CDH4: variants seen among roughly 807,000 people sequenced by gnomAD.
The protein encoded by CDH4 is cadherin-4.
Under a neutral mutation model 86.0 loss-of-function variants are expected in CDH4, and 33 were observed. The ratio of observed to expected loss-of-function variants is 0.38; its 90% CI spans 0.29 to 0.51. The LOEUF (loss-of-function observed/expected upper bound fraction) is 0.51. Among genes scored for constraint, CDH4 ranks in the 20% least tolerant of loss-of-function variants. The pLI is 0.86. For missense variants in CDH4, 1,114 were observed against 1,307.4 expected (o/e 0.85, Z 2.28); for synonymous variants, 555 against 549.4 (o/e 1.01, Z -0.14).
chr20:61,359,655 T>C (rs958511510), intron 2 of CDH4, among the ~76,000 whole-genome samples: 3 of 152,044 alleles, frequency 2.0e-5, no homozygotes, highest in African/African-American at 7.2e-5. Context: ...CTCTCCCACA[T>C]CCTCCCTTTT....
At chr20:61,854,542 GTGCCTTTGGCC>G (rs1982897053) in intron 6 of CDH4, among the ~76,000 whole-genome samples, 17 of 145,090 alleles carry the variant, frequency 1.2e-4, no homozygotes, top group East Asian at 4.1e-4. Context: ...AGGGTGAATT[GTGCCTTTGGCC>G]CACCCCCAGG....
At chr20:61,565,299 C>CCTCTTGGTGATGGGGAGGTGATGGTGGT (rs2086279197) in intron 2 of CDH4, among the ~76,000 whole-genome samples, 8 of 10,032 alleles carry the variant, frequency 8.0e-4, no homozygotes, top group African/African-American at 5.6e-3. Context: ...ATGGTGGTGG[C>CCTCTTGGTGATGGGGAGGTGATGGTGGT]GGTGCTCTTG....
intron 2 of CDH4, among the ~76,000 whole-genome samples, chr20:61,256,057 G>A (rs912506674): frequency 6.6e-6 from 1 of 152,166 alleles, no homozygotes; most frequent in Non-Finnish European, 1.5e-5. Flanking sequence ...ATCTAACAGG[G>A]CATACATAGT....
chr20:61,604,512 G>C (rs1307539682), intron 2 of CDH4, among the ~76,000 whole-genome samples: 1 of 152,130 alleles, frequency 6.6e-6, no homozygotes, highest in African/African-American at 2.4e-5. Context: ...GATGAGATTT[G>C]CTTTTAGGGT....
Position 61,644,907 on chromosome 20 carries a change from G to A in CDH4, c.170-98656G>A, listed in dbSNP as rs142102009. Among the ~76,000 whole-genome samples the A allele has an allele frequency of 2.9e-3, 435 of 152,288 alleles. 5 individuals carry two copies. Among genetic ancestry groups the A allele is most frequent in the African/African-American group, 9.7e-3 (404 of 41,560 alleles). On this transcript the variant is annotated intron_variant, in intron 2 of 15. Transcript: ENST00000614565. ...ACAGAGAAGCATTTAGGGAGGAGTC[G>A]CTGAGTCGTGCGGCCTGAGGAAGGG...
rs769778529 is a variant in CDH4, at chr20:61,773,115, A to C, written c.509A>C (p.Asp170Ala). 1 of 1,611,090 alleles carries C rather than the reference A, an allele frequency of 6.2e-7. No homozygotes were observed. Among genetic ancestry groups the C allele is most frequent in the Non-Finnish European group, 8.5e-7 (1 of 1,179,012 alleles). ...AACGGGCTGAGGCGGCGCAAACGGG[A>C]CTGGGTCATCCCGCCCATCAACGTG... ...NANGLRRRKR[D>A]WVIPPINVPE... Residue 170 changes from aspartate (D) to alanine (A), a missense_variant, in exon 4 of 16, where the codon GAC becomes GCC. Coordinates refer to ENST00000614565, the MANE Select transcript of CDH4 (RefSeq NM_001794.5).
chr20:61,632,469 T>C (rs1284163094), intron 2 of CDH4, among the ~76,000 whole-genome samples: 1 of 152,076 alleles, frequency 6.6e-6, no homozygotes, highest in East Asian at 1.9e-4. Flanking sequence ...GAAGCATCGT[T>C]AACGCCGGGC....
intron 2 of CDH4, among the ~76,000 whole-genome samples, chr20:61,358,369 CACTG>C (rs2084764908): frequency 6.6e-6 from 1 of 152,206 alleles, no homozygotes; most frequent in African/African-American, 2.4e-5. Flanking sequence ...GCAGGCCTGA[CACTG>C]ACCTCCACGA....
intron 2 of CDH4, among the ~76,000 whole-genome samples, chr20:61,680,090 G>A (rs1476938608): frequency 6.6e-6 from 1 of 152,182 alleles, no homozygotes; most frequent in Non-Finnish European, 1.5e-5. Flanking sequence ...CCTGCCCCAG[G>A]GCTGCACCCT....
chr20:61,868,782 T>C (rs1422576410), intron 6 of CDH4, among the ~76,000 whole-genome samples: 1 of 151,936 alleles, frequency 6.6e-6, no homozygotes, highest in African/African-American at 2.4e-5. Context: ...GAGCTGCCTC[T>C]CCTCTTGTCA....
chr20:61,800,402 C>G (rs1048521348), intron 4 of CDH4, among the ~76,000 whole-genome samples: 2 of 152,238 alleles, frequency 1.3e-5, no homozygotes, highest in African/African-American at 4.8e-5. Flanking sequence ...GCAGGGCTGA[C>G]CCAGCTTCAG....
intron 7 of CDH4, among the ~76,000 whole-genome samples, chr20:61,890,190 A>ATAT (rs1984752408): frequency 2.7e-4 from 9 of 33,782 alleles, no homozygotes; most frequent in African/African-American, 1.2e-3. Flanking sequence ...ATGGATGGAT[A>ATAT]GATGATGGAT....
intron 2 of CDH4, among the ~76,000 whole-genome samples, chr20:61,432,833 ATTT>A (rs36067606): frequency 2.9e-5 from 3 of 101,698 alleles, no homozygotes; most frequent in South Asian, 3.5e-4. Context: ...TAAATCCATG[ATTT>A]TTTTTTTTTT....
rs541419046 is a variant in CDH4 at position 61,904,068 on chromosome 20, C to G, written c.1189-6354C>G. Among the ~76,000 whole-genome samples, 30 of 152,348 alleles carry G rather than the reference C, an allele frequency of 2.0e-4. 1 individual carries two copies. In the South Asian group the frequency reaches 6.2e-3, roughly 32 times the overall value. ...GCCCCTGGGACTTCCCCCAAGCCGG[C>G]GTCCTGTGGGCTTGCCCCAGCGGGG... On this transcript the variant is annotated intron_variant, in intron 8 of 15. Transcript: ENST00000614565.
chr20:61,643,314 CCTCATGA>C (rs2087030552), intron 2 of CDH4, among the ~76,000 whole-genome samples: 1 of 152,204 alleles, frequency 6.6e-6, no homozygotes, highest in South Asian at 2.1e-4. Flanking sequence ...ATGGCTCTGC[CCTCATGA>C]CTCAGCTACC....
At position 61,655,807 on chromosome 20, in the gene CDH4, T is replaced by C. The variant is rs141916003; in HGVS notation, c.170-87756T>C. The stretch of plus-strand genomic sequence containing the variant: ...TGTCCTCAGGGACCAGGTTGTCCCA[T>C]CACCTGCAGGGTCACCTGTATCACC... On this transcript the variant is annotated intron_variant, in intron 2 of 15. Transcript: ENST00000614565. Among the ~76,000 whole-genome samples the C allele has an allele frequency of 3.4e-3, 524 of 152,308 alleles. 1 individual carries two copies. Among genetic ancestry groups the C allele is most frequent in the African/African-American group, 0.012 (502 of 41,572 alleles).
chr20:61,726,933 C>T (rs960769188), intron 2 of CDH4, among the ~76,000 whole-genome samples: 2 of 152,068 alleles, frequency 1.3e-5, no homozygotes, highest in African/African-American at 2.4e-5. Context: ...ACATTGCTGC[C>T]ATCATCACCA....
At chr20:61,485,813 G>A (rs994879701) in intron 2 of CDH4, among the ~76,000 whole-genome samples, 9 of 152,320 alleles carry the variant, frequency 5.9e-5, no homozygotes, top group South Asian at 2.1e-4. Context: ...TGCCCCATAC[G>A]GGTTTCTGTC....
chr20:61,917,083 G>A (rs968858176), intron 9 of CDH4, among the ~76,000 whole-genome samples: 8 of 152,118 alleles, frequency 5.3e-5, no homozygotes, highest in African/African-American at 7.2e-5. Flanking sequence ...GGTCCAGCTC[G>A]GCCACTGTCA....
Sources: gnomAD v4.1 joint callset for allele counts (sites outside exome capture counted in the v4.1 genomes callset) on GRCh38, gnomAD v4.1.1 for gene constraint, MANE v1.5 for transcripts, NCBI Gene and HGNC (gene_info 2026-07-23, HGNC 2026-07-21) for gene names.